GREM1: variants seen among roughly 807,000 people sequenced by gnomAD.
GREM1 encodes gremlin-1.
In GREM1, 6 loss-of-function variants were observed where a neutral mutation model predicts 13.1. The ratio of observed to expected loss-of-function variants is 0.46; its 90% CI spans 0.25 to 0.91. The LOEUF (loss-of-function observed/expected upper bound fraction) is 0.91, where lower values mean the gene tolerates loss of function less well. Among genes scored for constraint, GREM1 ranks in the 40% least tolerant of loss-of-function variants. The pLI, the probability that GREM1 is intolerant of heterozygous loss-of-function variation, is 0.18. For synonymous variants in GREM1, 98 were observed against 93.7 expected, an observed-to-expected ratio of 1.05 and a Z score of -0.27; for missense variants, 185 against 233.9, an observed-to-expected ratio of 0.79 and a Z score of 1.36.
intron 1 of GREM1, among the ~76,000 whole-genome samples, chr15:32,727,178 T>TA (rs767952564): frequency 7.4e-5 from 11 of 148,324 alleles, no homozygotes; most frequent in Non-Finnish European, 1.5e-4. Context: ...ATCATCCTGA[T>TA]ACCAAAACCT....
At chr15:32,724,512 A>G (rs2055463537) in intron 1 of GREM1, among the ~76,000 whole-genome samples, 1 of 152,226 alleles carries the variant, frequency 6.6e-6, no homozygotes, top group African/African-American at 2.4e-5. Context: ...AACCTTCTCA[A>G]ATTCACACTA....
rs1318786176 is a variant in GREM1, at chr15:32,718,170, G to C, written c.-2+9G>C. 2.2e-6 allele frequency: 3 copies of C among 1,335,756 alleles called. No individual in the cohort carries two copies. Among genetic ancestry groups the C allele is most frequent in the African/African-American group, 1.5e-5 (1 of 68,788 alleles). The allele number at this position is 1,335,756 out of a possible 1,614,324, so 82.7% of individuals were successfully genotyped here. On this transcript the variant is annotated intron_variant, in intron 1 of 1. Coordinates refer to ENST00000651154, the MANE Select transcript of GREM1 (RefSeq NM_013372.7). ...ACCCGCCGCACTGACAGGTGAGCGC[G>C]GACGCACCCGGCAGGGATGTGAGTG...
At chr15:32,726,175 C>T (rs1470824393) in intron 1 of GREM1, among the ~76,000 whole-genome samples, 1 of 152,054 alleles carries the variant, frequency 6.6e-6, no homozygotes, top group Non-Finnish European at 1.5e-5. Flanking sequence ...TAGAACTCTC[C>T]ACCCCAAATC....
In GREM1 at chr15:32,718,088, G is replaced by T; in HGVS notation, c.-75G>T. ...TCCCGCTGACCCCGCGCCGAGCCCC[G>T]GCGGCTCTGGCCGCGGCCGCACTCA... On this transcript the variant is annotated 5_prime_UTR_variant, in exon 1 of 2. Coordinates refer to ENST00000651154, the MANE Select transcript of GREM1 (RefSeq NM_013372.7). 1 of 1,220,356 alleles carries T rather than the reference G, an allele frequency of 8.2e-7. No individual in the cohort carries two copies. The highest frequency in any genetic ancestry group is 1.7e-5 in the South Asian group (1 of 58,500). The allele number at this position is 1,220,356 out of a possible 1,614,324, so 75.6% of individuals were successfully genotyped here.
chr15:32,724,074 T>G (rs973253332), intron 1 of GREM1, among the ~76,000 whole-genome samples: 1 of 152,220 alleles, frequency 6.6e-6, no homozygotes, highest in Non-Finnish European at 1.5e-5. Context: ...GCACCTGCCT[T>G]GTGCCAGGCA....
At chr15:32,718,487 C>G (rs918211278) in intron 1 of GREM1, 1 of 463,920 alleles carries the variant, frequency 2.2e-6, no homozygotes, top group South Asian at 1.5e-5. Flanking sequence ...GCCTGGCAGA[C>G]GCGCCCGCTT....
rs766836254 is a variant in GREM1, at chr15:32,731,002, C to T, written c.312C>T (p.His104=). Residue 104 remains histidine (H), a synonymous_variant, in exon 2 of 2, where the codon CAC becomes CAT. Coordinates refer to ENST00000651154, the MANE Select transcript of GREM1 (RefSeq NM_013372.7). The part of the protein sequence containing the change: ...CKTQPLKQTI[H]EEGCNSRTII... ...CCCAGCCGCTTAAGCAGACCATCCA[C>T]GAGGAAGGCTGCAACAGTCGCACCA... is the stretch of plus-strand genomic sequence containing the variant. 1.2e-6 allele frequency: 2 copies of T among 1,614,178 alleles called. No individual in the cohort carries two copies. Among genetic ancestry groups the T allele is most frequent in the South Asian group, 1.1e-5 (1 of 91,086 alleles).
chr15:32,725,089 G>A (rs988427054), intron 1 of GREM1, among the ~76,000 whole-genome samples: 5 of 151,998 alleles, frequency 3.3e-5, no homozygotes, highest in African/African-American at 9.7e-5. Flanking sequence ...CTAGTACTGC[G>A]ATAAACATGT....
At position 32,718,650 on chromosome 15, in the gene GREM1, G is replaced by T. The variant is rs576236401; in HGVS notation, c.-2+489G>T. 1.7e-4 allele frequency: 60 copies of T among 362,344 alleles called. 1 individual carries two copies. The highest frequency in any genetic ancestry group is 8.0e-4 in the South Asian group (39 of 48,724). 22.4% of individuals were successfully genotyped at this position (362,344 alleles called of 1,614,324 possible). On this transcript the variant is annotated intron_variant, in intron 1 of 1. Coordinates refer to ENST00000651154, the MANE Select transcript of GREM1 (RefSeq NM_013372.7). ...CGTCTTGGGGCGCCCATTGGAGTCC[G>T]CGGGTTGGAGCATCCGGAGAATCCA...
rs1595853821 is a variant in GREM1, at chr15:32,732,590, C to T, written c.*1345C>T. 4.1e-6 allele frequency: 1 copy of T among 245,704 alleles called. No homozygotes were observed. Among genetic ancestry groups the T allele is most frequent in the East Asian group, 6.2e-5 (1 of 16,234 alleles). The allele number at this position is 245,704 out of a possible 1,614,324, so 15.2% of individuals were successfully genotyped here. On this transcript the variant is annotated 3_prime_UTR_variant, in exon 2 of 2. Transcript: ENST00000651154. The stretch of plus-strand genomic sequence containing the variant: ...GATGTAAGGGATATGACCTCCCTTT[C>T]TTTATGTGCTCACTGAGGATCTGAG...
chr15:32,723,626 T>TAA (rs35877271), intron 1 of GREM1, among the ~76,000 whole-genome samples: 10 of 144,422 alleles, frequency 6.9e-5, no homozygotes, highest in African/African-American at 2.3e-4. Context: ...TACTTTTCTT[T>TAA]AAAAAAAAAA....
At chr15:32,730,110 GC>G (rs1200644158) in intron 1 of GREM1, among the ~76,000 whole-genome samples, 5 of 152,214 alleles carry the variant, frequency 3.3e-5, no homozygotes, top group Admixed American at 2.0e-4. Flanking sequence ...AGATCAGATA[GC>G]AAGTTACTGC....
chr15:32,718,725 C>T (rs928115745), intron 1 of GREM1: 2 of 346,464 alleles, frequency 5.8e-6, no homozygotes, highest in African/African-American at 4.3e-5. Flanking sequence ...CTGGCAAGGG[C>T]AGAGCCGCTG....
At chr15:32,724,360 T>C (rs1009733587) in intron 1 of GREM1, among the ~76,000 whole-genome samples, 1 of 152,230 alleles carries the variant, frequency 6.6e-6, no homozygotes, top group African/African-American at 2.4e-5. Context: ...TGAATTTGTC[T>C]GGAGGCCATT....
Position 32,718,181 on chromosome 15 carries a change from G to T in GREM1, c.-2+20G>T. 1.5e-6 allele frequency: 2 copies of T among 1,340,856 alleles called. No individual in the cohort carries two copies. The highest frequency in any genetic ancestry group is 2.0e-6 in the Non-Finnish European group (2 of 1,018,198). 83.1% of individuals were successfully genotyped at this position (1,340,856 alleles called of 1,614,324 possible). A position where few individuals can be genotyped will look rare whatever the true frequency, so the allele number is the denominator to read the frequency against. ...TGACAGGTGAGCGCGGACGCACCCG[G>T]CAGGGATGTGAGTGGGCGGAGGGAA... On this transcript the variant is annotated intron_variant, in intron 1 of 1. Coordinates refer to ENST00000651154, the MANE Select transcript of GREM1 (RefSeq NM_013372.7).
At position 32,721,524 on chromosome 15, in the gene GREM1, G is replaced by T. The variant is rs542351037; in HGVS notation, c.-2+3363G>T. On this transcript the variant is annotated intron_variant, in intron 1 of 1. Coordinates refer to ENST00000651154, the MANE Select transcript of GREM1 (RefSeq NM_013372.7). ...AATCCTAAGCACTTTCGGAGACTGA[G>T]GCAGGCGGATCACGAGGTCAGGAGT... 7.7e-4 allele frequency among the ~76,000 whole-genome samples: 118 copies of T among 152,266 alleles called. 1 individual carries two copies. In the East Asian group the frequency reaches 9.3e-3, roughly 12 times the overall value.
chr15:32,718,123 G>T lies in GREM1; in HGVS notation c.-40G>T. On this transcript the variant is annotated 5_prime_UTR_variant, in exon 1 of 2. Coordinates refer to ENST00000651154, the MANE Select transcript of GREM1 (RefSeq NM_013372.7). ...GCCGCGGCCGCACTCAGCGCCACGCGTCGAAAGCGCAGGCCCCGAGGACCC... is the reference window on the plus strand; with the variant it reads ...GCCGCGGCCGCACTCAGCGCCACGCTTCGAAAGCGCAGGCCCCGAGGACCC... The T allele has an allele frequency of 7.8e-7, 1 of 1,280,152 alleles. No homozygotes were observed. The highest frequency in any genetic ancestry group is 1.0e-6 in the Non-Finnish European group (1 of 991,028). 79.3% of individuals were successfully genotyped at this position (1,280,152 alleles called of 1,614,324 possible).
intron 1 of GREM1, among the ~76,000 whole-genome samples, chr15:32,721,015 G>A (rs1367607343): frequency 1.3e-5 from 2 of 152,200 alleles, no homozygotes; most frequent in Non-Finnish European, 2.9e-5. Context: ...AATTAGCCAG[G>A]CATGGTGGTG....
At position 32,732,081 on chromosome 15, in the gene GREM1, C is replaced by T. The variant is rs996456448; in HGVS notation, c.*836C>T. ...TTGCCAGAAAGTGATTAACTTTGGCCGTTGCAATCTGCTCAAACCTAACAC... is the reference window on the plus strand; with the variant it reads ...TTGCCAGAAAGTGATTAACTTTGGCTGTTGCAATCTGCTCAAACCTAACAC... On this transcript the variant is annotated 3_prime_UTR_variant, in exon 2 of 2. Transcript: ENST00000651154. 2.1e-5 allele frequency: 5 copies of T among 238,254 alleles called. No homozygotes were observed. Among genetic ancestry groups the T allele is most frequent in the Non-Finnish European group, 3.6e-5 (4 of 112,064 alleles). 14.8% of individuals were successfully genotyped at this position (238,254 alleles called of 1,614,324 possible).
Sources: gnomAD v4.1 joint callset for allele counts (sites outside exome capture counted in the v4.1 genomes callset) on GRCh38, gnomAD v4.1.1 for gene constraint, MANE v1.5 for transcripts, NCBI Gene and HGNC (gene_info 2026-07-23, HGNC 2026-07-21) for gene names.